Variants in DNAH8 observed in about 807,000 individuals in gnomAD.
The protein encoded by DNAH8 is axonemal beta dynein heavy chain 8.
A neutral mutation model predicts 562.1 loss-of-function variants in DNAH8; 382 were observed. The ratio of observed to expected loss-of-function variants is 0.68; its 90% CI spans 0.63 to 0.74. The LOEUF (loss-of-function observed/expected upper bound fraction) is 0.74. Among genes scored for constraint, DNAH8 ranks in the 30% least tolerant of loss-of-function variants. The pLI is 0.00. For missense variants in DNAH8, 5,203 were observed against 5,620.4 expected, an observed-to-expected ratio of 0.93 and a Z score of 2.37; for synonymous variants, 1,881 against 1,919.4, an observed-to-expected ratio of 0.98 and a Z score of 0.52.
At chr6:38,900,070 T>A (rs908416828) in intron 62 of DNAH8, among the ~76,000 whole-genome samples, 164 bp downstream of exon 62, 2 of 152,204 alleles carry the variant, frequency 1.3e-5, no homozygotes, top group African/African-American at 4.8e-5. Flanking sequence ...AGTAAATACA[T>A]CTATGTAGCC....
chr6:38,954,277 A>G (rs1268072945), intron 82 of DNAH8, among the ~76,000 whole-genome samples: 1 of 152,224 alleles, frequency 6.6e-6, no homozygotes. Context: ...GAACACCTAA[A>G]AACAAACGAA....
chr6:39,014,744 G>C (rs1766452783), intron 91 of DNAH8, among the ~76,000 whole-genome samples: 1 of 152,222 alleles, frequency 6.6e-6, no homozygotes, highest in African/African-American at 2.4e-5. Flanking sequence ...CAGGGGAACA[G>C]GGAGACCAGT....
At chr6:38,973,957 CA>C (rs1561931768) in intron 84 of DNAH8, 144 bp downstream of exon 84, 4 of 587,630 alleles carry the variant, frequency 6.8e-6, no homozygotes, top group Non-Finnish European at 1.1e-5. Context: ...CTATAATCAT[CA>C]AAATCTTGAC....
intron 79 of DNAH8, among the ~76,000 whole-genome samples, chr6:38,942,714 C>T (rs920902247): frequency 5.9e-5 from 9 of 152,156 alleles, no homozygotes; most frequent in African/African-American, 1.4e-4. Context: ...TAGCATTTGT[C>T]GTAGCTCATA....
intron 24 of DNAH8, among the ~76,000 whole-genome samples, chr6:38,808,459 T>G (rs1771497055): frequency 6.6e-6 from 1 of 152,226 alleles, no homozygotes; most frequent in African/African-American, 2.4e-5. Context: ...CTTTCTTGTG[T>G]TTATGGGCCA....
At chr6:38,997,461 G>A (rs1765209419) in intron 88 of DNAH8, among the ~76,000 whole-genome samples, 1 of 152,174 alleles carries the variant, frequency 6.6e-6, no homozygotes, top group Non-Finnish European at 1.5e-5. Flanking sequence ...TCTGGGAGCT[G>A]GGGTAGTGGA....
chr6:38,876,198 C>G (rs1174514687), intron 53 of DNAH8, among the ~76,000 whole-genome samples: 1 of 152,204 alleles, frequency 6.6e-6, no homozygotes, highest in Non-Finnish European at 1.5e-5. Context: ...CCCACAATTC[C>G]CCTGTTGGGA....
intron 8 of DNAH8, among the ~76,000 whole-genome samples, chr6:38,749,636 C>G (rs1765254216): frequency 6.6e-6 from 1 of 151,612 alleles, no homozygotes; most frequent in African/African-American, 2.4e-5. Context: ...TAAATGTCTT[C>G]AAACATTTGA....
intron 89 of DNAH8, among the ~76,000 whole-genome samples, chr6:39,010,173 G>A (rs1306054102): frequency 3.3e-5 from 5 of 152,118 alleles, no homozygotes; most frequent in Non-Finnish European, 5.9e-5. Context: ...GTAACTAAAT[G>A]GATTCCTATA....
intron 15 of DNAH8, 27 bp from the exon 16 acceptor site, chr6:38,781,227 A>G (rs764948439): frequency 1.1e-5 from 17 of 1,612,492 alleles, no homozygotes; most frequent in Non-Finnish European, 1.3e-5. Context: ...TTGAATTCAA[A>G]CATTAACATC....
chr6:38,874,221 GCT>G (rs1411367401), intron 52 of DNAH8, among the ~76,000 whole-genome samples: 2 of 63,214 alleles, frequency 3.2e-5, no homozygotes, highest in African/African-American at 1.3e-4. Flanking sequence ...TTTCTCTCTC[GCT>G]CTCTCTTTCT....
chr6:38,778,359 A>G (rs769903282), intron 13 of DNAH8, 29 bp from the exon 14 acceptor site: 7 of 1,252,826 alleles, frequency 5.6e-6, no homozygotes, highest in East Asian at 2.4e-5. Context: ...AACACCAAAA[A>G]TCATTTAAAT....
intron 82 of DNAH8, among the ~76,000 whole-genome samples, chr6:38,958,168 AT>A (rs34427051): frequency 4.7e-5 from 7 of 148,710 alleles, no homozygotes; most frequent in East Asian, 2.0e-4. Flanking sequence ...CGCCTGACTA[AT>A]TTTTTTTTTG....
intron 29 of DNAH8, 35 bp from the exon 30 acceptor site, chr6:38,828,149 T>C (rs778983602): frequency 1.5e-6 from 2 of 1,378,340 alleles, no homozygotes; most frequent in South Asian, 2.6e-5. Flanking sequence ...TGGCTTTCCC[T>C]TGTGATATTT....
chr6:38,798,472 A>G (rs1770493918), intron 21 of DNAH8, among the ~76,000 whole-genome samples: 1 of 152,178 alleles, frequency 6.6e-6, no homozygotes, highest in African/African-American at 2.4e-5. Flanking sequence ...CCTTATTAGG[A>G]CAGGATGCTT....
At chr6:38,968,396 G>T (rs1763116327) in intron 82 of DNAH8, among the ~76,000 whole-genome samples, 1 of 152,032 alleles carries the variant, frequency 6.6e-6, no homozygotes, top group Non-Finnish European at 1.5e-5. Flanking sequence ...TCTGTTAAGG[G>T]TCTAGTATCC....
At chr6:38,715,950 A>ATTTTTTT (rs70981580) in intron 1 of DNAH8, among the ~76,000 whole-genome samples, 4 of 31,234 alleles carry the variant, frequency 1.3e-4, no homozygotes, top group African/African-American at 5.5e-4. Flanking sequence ...ATATATATAT[A>ATTTTTTT]TATATATATA....
intron 36 of DNAH8, among the ~76,000 whole-genome samples, chr6:38,847,099 A>AT (rs1281990895): frequency 1.3e-5 from 2 of 152,068 alleles, no homozygotes; most frequent in African/African-American, 4.8e-5. Context: ...AGGAAGCTGT[A>AT]TGTCTCCTTC....
intron 82 of DNAH8, among the ~76,000 whole-genome samples, chr6:38,962,329 C>A (rs939922423): frequency 6.6e-6 from 1 of 151,942 alleles, no homozygotes; most frequent in South Asian, 2.1e-4. Flanking sequence ...ACAAGAATAG[C>A]TAAGAAAGCT....
Sources: gnomAD v4.1 joint callset for allele counts (sites outside exome capture counted in the v4.1 genomes callset) on GRCh38, gnomAD v4.1.1 for gene constraint, MANE v1.5 for transcripts, NCBI Gene and HGNC (gene_info 2026-07-23, HGNC 2026-07-21) for gene names.